The following ICAM1 variants were observed in gnomAD, a reference collection of about 807,000 sequenced individuals.
The protein encoded by ICAM1 is ICAM-1.
Under a neutral mutation model 42.3 loss-of-function variants are expected in ICAM1, and 28 were observed. The observed-to-expected ratio is 0.66, with a 90% CI of 0.49 to 0.91. The LOEUF is 0.91. Ranked by LOEUF, ICAM1 falls within the 40% of genes least tolerant of loss-of-function variation. The pLI, the probability that ICAM1 is intolerant of heterozygous loss-of-function variation, is 0.00. For synonymous variants in ICAM1, 304 were observed against 305.9 expected, an observed-to-expected ratio of 0.99 and a Z score of 0.07; for missense variants, 637 against 688.6, an observed-to-expected ratio of 0.93 and a Z score of 0.84.
chr19:10,274,408 A>G (rs1355607895), intron 1 of ICAM1, among the ~76,000 whole-genome samples: 1 of 147,404 alleles, frequency 6.8e-6, no homozygotes, highest in Non-Finnish European at 1.5e-5. Context: ...TCCACCTCCC[A>G]GGTTCAAGTG....
chr19:10,280,194 T>G (rs1429386463), intron 2 of ICAM1, among the ~76,000 whole-genome samples: 2 of 152,112 alleles, frequency 1.3e-5, no homozygotes, highest in African/African-American at 2.4e-5. Context: ...ACAGACTTCC[T>G]CCCCGCTGCA....
In ICAM1 at chr19:10,286,512, C is replaced by T. The variant is rs1401623116; in HGVS notation, c.*1225C>T. 1 of 154,630 alleles carries T rather than the reference C, an allele frequency of 6.5e-6. No homozygotes were observed. Among genetic ancestry groups the T allele is most frequent in the Non-Finnish European group, 1.4e-5 (1 of 69,728 alleles). The allele number at this position is 154,630 out of a possible 1,614,324, so 9.6% of individuals were successfully genotyped here. On this transcript the variant is annotated 3_prime_UTR_variant, in exon 7 of 7. Coordinates refer to ENST00000264832, the MANE Select transcript of ICAM1 (RefSeq NM_000201.3). ...AGTAGCTGGGACCATAGGCTCACAA[C>T]ACCACACCTGGCAAATTTGATTTTT...
rs546763071 is a variant in ICAM1, at chr19:10,282,818, G to C, written c.332-663G>C. On this transcript the variant is annotated intron_variant, in intron 2 of 6. Transcript: ENST00000264832. The stretch of plus-strand genomic sequence containing the variant: ...ACTTGAGGTCAGGAATTCGAGACCA[G>C]CCTGGGCAACATGCTGAAACCCCGT... Among the ~76,000 whole-genome samples the C allele has an allele frequency of 2.0e-5, 3 of 152,120 alleles. No individual in the cohort carries two copies. In the East Asian group the frequency reaches 5.8e-4, roughly 29 times the overall value.
chr19:10,275,965 C>A (rs1212424616), intron 2 of ICAM1, among the ~76,000 whole-genome samples: 1 of 151,112 alleles, frequency 6.6e-6, no homozygotes, highest in African/African-American at 2.4e-5. Context: ...GCCTCGGCCT[C>A]CCAAAGTGCT....
intron 1 of ICAM1, among the ~76,000 whole-genome samples, chr19:10,272,891 A>T (rs2039992381): frequency 6.6e-6 from 1 of 151,988 alleles, no homozygotes; most frequent in Non-Finnish European, 1.5e-5. Flanking sequence ...TCCTGTGCTG[A>T]GTTACTTGTA....
At chr19:10,274,191 G>A (rs573610888) in intron 1 of ICAM1, among the ~76,000 whole-genome samples, 5 of 151,942 alleles carry the variant, frequency 3.3e-5, no homozygotes, top group South Asian at 4.1e-4. Flanking sequence ...GCCCTTTCTC[G>A]TCATTTAGAT....
intron 2 of ICAM1, among the ~76,000 whole-genome samples, chr19:10,279,776 G>A (rs987682190): frequency 2.0e-5 from 3 of 151,910 alleles, no homozygotes; most frequent in Admixed American, 2.0e-4. Flanking sequence ...GAGCCACTGA[G>A]CCTGGTCAAG....
chr19:10,284,719 A>G lies in ICAM1; in HGVS notation c.1180+62A>G, dbSNP rs2040089595. The stretch of plus-strand genomic sequence containing the variant: ...AAGGCCCAATCTCCCTGAAGGTCCC[A>G]TAAGGTCTTGCCTCCAAGTCCTGCC... On this transcript the variant is annotated intron_variant, in intron 5 of 6. Coordinates refer to ENST00000264832, the MANE Select transcript of ICAM1 (RefSeq NM_000201.3). This position sits in a 1 kb window ranked among gnomAD's most constrained non-coding sequence, Gnocchi z 5.4. 20 of 1,610,040 alleles carry G rather than the reference A, an allele frequency of 1.2e-5. No homozygotes were observed. Among genetic ancestry groups the G allele is most frequent in the Non-Finnish European group, 1.5e-5 (18 of 1,178,896 alleles).
At chr19:10,276,867 C>T (rs967260259) in intron 2 of ICAM1, among the ~76,000 whole-genome samples, 6 of 150,040 alleles carry the variant, frequency 4.0e-5, no homozygotes, top group African/African-American at 9.8e-5. Flanking sequence ...CCCAGCTACT[C>T]GGGAGGCTGA....
chr19:10,273,663 A>T (rs2039997018), intron 1 of ICAM1, among the ~76,000 whole-genome samples: 1 of 141,680 alleles, frequency 7.1e-6, no homozygotes, highest in Non-Finnish European at 1.6e-5. Flanking sequence ...AGACCCGTTT[A>T]AAAAAAAAAA....
chr19:10,280,943 G>C (rs925128458), intron 2 of ICAM1, among the ~76,000 whole-genome samples: 1 of 144,596 alleles, frequency 6.9e-6, no homozygotes, highest in African/African-American at 2.6e-5. Flanking sequence ...GTTCGATCTG[G>C]GCTCACTGCA....
intron 1 of ICAM1, among the ~76,000 whole-genome samples, chr19:10,271,806 A>G (rs914547615): frequency 6.6e-6 from 1 of 151,202 alleles, no homozygotes; most frequent in Admixed American, 6.6e-5. Context: ...GGCTGCTTCT[A>G]CTTGGGGGAA....
intron 2 of ICAM1, among the ~76,000 whole-genome samples, chr19:10,280,655 C>T (rs1433057968): frequency 2.0e-5 from 3 of 151,960 alleles, no homozygotes; most frequent in Non-Finnish European, 2.9e-5. Flanking sequence ...CCACAACCTC[C>T]GACCCCCAGG....
intron 2 of ICAM1, among the ~76,000 whole-genome samples, chr19:10,279,626 G>A (rs1305624938): frequency 2.0e-5 from 3 of 151,970 alleles, no homozygotes; most frequent in Admixed American, 2.0e-4. Context: ...TGGGATTAAG[G>A]TGCCCACCAT....
At chr19:10,283,036 A>T (rs1222678248) in intron 2 of ICAM1, 1 of 152,190 alleles carries the variant, frequency 6.6e-6, no homozygotes, top group Non-Finnish European at 1.5e-5. Context: ...TTAATTAATT[A>T]AAAATAAAAA....
chr19:10,286,176 CTG>C lies in ICAM1; in HGVS notation c.*890_*891del, dbSNP rs2040104956. On this transcript the variant is annotated 3_prime_UTR_variant, in exon 7 of 7. Coordinates refer to ENST00000264832, the MANE Select transcript of ICAM1 (RefSeq NM_000201.3). ...TCACAATGACACTCAGCGGTCATGT[CTG>C]GACATGAGTGCCCAGGGAATATGCC... 1 of 152,424 alleles carries C rather than the reference CTG, an allele frequency of 6.6e-6. No individual in the cohort carries two copies. The highest frequency in any genetic ancestry group is 2.4e-5 in the African/African-American group (1 of 41,462). 9.4% of individuals were successfully genotyped at this position (152,424 alleles called of 1,614,324 possible).
chr19:10,283,399 G>A (rs1294562806), intron 2 of ICAM1, 82 bp from the exon 3 acceptor site: 6 of 1,375,280 alleles, frequency 4.4e-6, no homozygotes, highest in Non-Finnish European at 4.9e-6. Context: ...AAGAGGTAGG[G>A]CTCCCAGGCA....
intron 2 of ICAM1, 131 bp downstream of exon 2, chr19:10,275,159 G>A: frequency 2.3e-6 from 2 of 886,752 alleles, no homozygotes; most frequent in Non-Finnish European, 3.5e-6. Flanking sequence ...TGCAGGGCAG[G>A]TGGGGACATC....
Position 10,285,390 on chromosome 19 carries a change from G to C in ICAM1, c.*103G>C. The stretch of plus-strand genomic sequence containing the variant: ...CATATGCCATGCAGCTACACCTACC[G>C]GCCCTGGGACGCCGGAGGACAGGGC... On this transcript the variant is annotated 3_prime_UTR_variant, in exon 7 of 7. Transcript: ENST00000264832. 2 of 1,156,904 alleles carry C rather than the reference G, an allele frequency of 1.7e-6. No homozygotes were observed. Among genetic ancestry groups the C allele is most frequent in the South Asian group, 3.0e-5 (2 of 66,010 alleles). 71.7% of individuals were successfully genotyped at this position (1,156,904 alleles called of 1,614,324 possible).
Sources: allele counts gnomAD v4.1 joint callset (sites outside exome capture counted in the v4.1 genomes callset), GRCh38; gene constraint gnomAD v4.1.1; non-coding constraint Gnocchi (gnomAD v3.1); transcripts MANE v1.5; gene names NCBI Gene and HGNC (gene_info 2026-07-23, HGNC 2026-07-21).